The following RYR3 variants were observed in gnomAD, a reference collection of about 807,000 sequenced individuals.
RYR3 encodes ryanodine receptor 3.
Under a neutral mutation model 584.3 loss-of-function variants are expected in RYR3, and 207 were observed. The observed-to-expected ratio is 0.35, with a 90% confidence interval of 0.32 to 0.40. The LOEUF (loss-of-function observed/expected upper bound fraction) is 0.40, where lower values mean the gene tolerates loss of function less well. Ranked by LOEUF, RYR3 falls within the 10% of genes least tolerant of loss-of-function variation. RYR3 has a pLI of 1.00. For missense variants in RYR3, 5,616 were observed against 6,089.2 expected (o/e 0.92, Z 2.59); for synonymous variants, 2,416 against 2,248.5 (o/e 1.07, Z -2.11).
intron 55 of RYR3, among the ~76,000 whole-genome samples, chr15:33,749,042 A>T (rs749766645): frequency 2.0e-5 from 3 of 152,256 alleles, no homozygotes; most frequent in Non-Finnish European, 1.5e-5. Flanking sequence ...CAGTACAGAC[A>T]CATTTTTTTC....
At chr15:33,556,141 C>T (rs2057050436) in intron 10 of RYR3, among the ~76,000 whole-genome samples, 1 of 152,280 alleles carries the variant, frequency 6.6e-6, no homozygotes, top group African/African-American at 2.4e-5. Context: ...TTTCAGGGTG[C>T]CTACAGTCCT....
intron 1 of RYR3, among the ~76,000 whole-genome samples, chr15:33,343,815 A>G (rs965395979): frequency 1.3e-5 from 2 of 152,110 alleles, no homozygotes; most frequent in Non-Finnish European, 2.9e-5. Context: ...TATTTGGCCT[A>G]TTTATTTGGC....
chr15:33,581,502 T>A lies in RYR3; in HGVS notation c.1438-6T>A, dbSNP rs750129544. The A allele has an allele frequency of 6.2e-7, 1 of 1,613,046 alleles. No individual in the cohort carries two copies. On this transcript the variant is annotated splice_region_variant and splice_polypyrimidine_tract_variant and intron_variant, in intron 13 of 103. Transcript: ENST00000634891. ...TGTTTACATTTTCCTCCACTCTCCT[T>A]CTCAGGGAATGTTGGCCCTTGTCTT...
At position 33,406,870 on chromosome 15, in the gene RYR3, TACAAGAAAGGGG is replaced by T. The variant is rs1180123063; in HGVS notation, c.52-66547_52-66536del. ...TGAATTGAGTGTTTATTCAGATATATACAAGAAAGGGGATATCTTATTGAATTTGTGCTTCTA... is the reference window on the plus strand; with the variant it reads ...TGAATTGAGTGTTTATTCAGATATATATATCTTATTGAATTTGTGCTTCTA... On this transcript the variant is annotated intron_variant, in intron 1 of 103. Coordinates refer to ENST00000634891, the MANE Select transcript of RYR3 (RefSeq NM_001036.6). Among the ~76,000 whole-genome samples, 496 of 152,338 alleles carry T rather than the reference TACAAGAAAGGGG, an allele frequency of 3.3e-3. 1 individual carries two copies. The highest frequency in any genetic ancestry group is 0.011 in the African/African-American group (478 of 41,570).
intron 5 of RYR3, 35 bp downstream of exon 5, chr15:33,533,424 G>C: frequency 6.8e-7 from 1 of 1,469,662 alleles, no homozygotes; most frequent in African/African-American, 1.4e-5. Flanking sequence ...TGAGCTCAGC[G>C]GGGGTCTTGG....
Position 33,838,665 on chromosome 15 carries a change from A to G in RYR3, c.12685A>G (p.Thr4229Ala). ...AGAAGGGGCAAAGAACATCAGAGTG[A>G]CCAAGATCCTGGGTGACATGCCTGA... ...LVEGAKNIRVTKILGDMPDPT... is the reference protein window; with the variant it reads ...LVEGAKNIRVAKILGDMPDPT... The change falls in exon 89 of 104, where the codon ACC becomes GCC. Residue 4229 changes from threonine (T) to alanine (A), a missense_variant. By Grantham distance (58) the Thr-to-Ala change is moderately conservative. Transcript: ENST00000634891. The G allele has an allele frequency of 1.2e-6, 2 of 1,613,954 alleles. No homozygotes were observed. The highest frequency in any genetic ancestry group is 1.6e-4 in the Middle Eastern group (1 of 6,062).
At chr15:33,719,513 A>G (rs912126487) in intron 43 of RYR3, among the ~76,000 whole-genome samples, 1 of 152,226 alleles carries the variant, frequency 6.6e-6, no homozygotes, top group Non-Finnish European at 1.5e-5. Flanking sequence ...AAGCTTGATT[A>G]ACAGAGTTGG....
At chr15:33,381,151 G>T (rs2041159606) in intron 1 of RYR3, among the ~76,000 whole-genome samples, 1 of 152,122 alleles carries the variant, frequency 6.6e-6, no homozygotes, top group Non-Finnish European at 1.5e-5. Context: ...AGGAGTCCAG[G>T]TTCCTCAGTT....
intron 2 of RYR3, 82 bp downstream of exon 2, chr15:33,473,620 G>T: frequency 7.2e-7 from 1 of 1,398,472 alleles, no homozygotes. Flanking sequence ...CTGGGAGATG[G>T]TGATGAGGAC....
At chr15:33,865,035 AG>A in intron 103 of RYR3, 95 bp from the exon 104 acceptor site, 1 of 823,014 alleles carries the variant, frequency 1.2e-6, no homozygotes, top group Non-Finnish European at 2.0e-6. Flanking sequence ...AATTCACATC[AG>A]TCTTCCTAAA....
chr15:33,841,950 G>C lies in RYR3; in HGVS notation c.13124G>C (p.Arg4375Pro), dbSNP rs763674138. Residue 4375 changes from arginine to proline, a missense_variant, in exon 91 of 104, where the codon CGG becomes CCG. Physicochemically the swap from Arg to Pro is moderately radical, Grantham distance 103. Transcript: ENST00000634891. The stretch of plus-strand genomic sequence containing the variant: ...ACAGAAGTGACAAAAAAGAAGAAGC[G>C]GCGGTGTGGTCAGAAGGTTGAGAAG... ...LWTEVTKKKK[R>P]RCGQKVEKPE... 2.5e-6 allele frequency: 4 copies of C among 1,601,540 alleles called. No individual in the cohort carries two copies. Among genetic ancestry groups the C allele is most frequent in the Non-Finnish European group, 2.6e-6 (3 of 1,173,992 alleles).
At chr15:33,842,949 C>G (rs1282342919) in intron 91 of RYR3, among the ~76,000 whole-genome samples, 1 of 152,134 alleles carries the variant, frequency 6.6e-6, no homozygotes, top group African/African-American at 2.4e-5. Flanking sequence ...TATACCAATT[C>G]TAAGCAATTT....
intron 64 of RYR3, 50 bp downstream of exon 64, chr15:33,773,665 C>T (rs1365967812): frequency 1.4e-5 from 17 of 1,205,306 alleles, no homozygotes; most frequent in Non-Finnish European, 1.9e-5. Flanking sequence ...TAAAATGTTA[C>T]TTACAGCCTT....
intron 32 of RYR3, among the ~76,000 whole-genome samples, chr15:33,653,640 A>G (rs2062632577): frequency 6.6e-6 from 1 of 151,634 alleles, no homozygotes; most frequent in Non-Finnish European, 1.5e-5. Context: ...ACTGCACCCC[A>G]GCCTGGGCAA....
At chr15:33,789,624 T>TTTTATATATATATATATATATATATA (rs1258454158) in intron 67 of RYR3, among the ~76,000 whole-genome samples, 2 of 11,694 alleles carry the variant, frequency 1.7e-4, no homozygotes, top group Non-Finnish European at 3.5e-4. Context: ...AGGTTTTATT[T>TTTTATATATATATATATATATATATA]TATATATATA....
chr15:33,843,841 A>G (rs1351199506), intron 92 of RYR3, among the ~76,000 whole-genome samples: 1 of 152,250 alleles, frequency 6.6e-6, no homozygotes, highest in Non-Finnish European at 1.5e-5. Flanking sequence ...AGCATCTACC[A>G]TGAGCTAGAC....
chr15:33,437,363 A>G (rs879350385), intron 1 of RYR3, among the ~76,000 whole-genome samples: 3 of 152,192 alleles, frequency 2.0e-5, no homozygotes, highest in Admixed American at 1.3e-4. Context: ...CATGGCTGCC[A>G]TACTCCAAGG....
intron 19 of RYR3, among the ~76,000 whole-genome samples, chr15:33,617,490 T>C (rs1471703244): frequency 6.6e-6 from 1 of 152,214 alleles, no homozygotes; most frequent in African/African-American, 2.4e-5. Flanking sequence ...TGCCTGGTTT[T>C]ATAGCATCTC....
At chr15:33,468,389 A>G (rs2048658721) in intron 1 of RYR3, among the ~76,000 whole-genome samples, 1 of 152,208 alleles carries the variant, frequency 6.6e-6, no homozygotes, top group Non-Finnish European at 1.5e-5. Context: ...AGTGTTTGGC[A>G]CAGAAGTCCA....
Sources: gnomAD v4.1 joint callset for allele counts (sites outside exome capture counted in the v4.1 genomes callset) on GRCh38, gnomAD v4.1.1 for gene constraint, MANE v1.5 for transcripts, NCBI Gene and HGNC (gene_info 2026-07-23, HGNC 2026-07-21) for gene names.